MTMR3: variants seen among roughly 807,000 people sequenced by gnomAD.
The protein encoded by MTMR3 is phosphatidylinositol-3,5-bisphosphate 3-phosphatase MTMR3.
In MTMR3, 32 loss-of-function variants were observed where a neutral mutation model predicts 132.4. That is an observed-to-expected ratio of 0.24 (90% confidence interval 0.18 to 0.32). MTMR3 has a LOEUF of 0.32. Ranked by LOEUF, MTMR3 falls within the 10% of genes least tolerant of loss-of-function variation. The probability of loss-of-function intolerance (pLI) is 1.00; values close to 1 mark genes in which losing one functional copy is unlikely to be tolerated. For missense variants in MTMR3, 1,216 were observed against 1,489.6 expected, an observed-to-expected ratio of 0.82 and a Z score of 3.02; for synonymous variants, 556 against 550.3, an observed-to-expected ratio of 1.01 and a Z score of -0.14.
At chr22:29,925,201 T>A (rs943076202) in intron 1 of MTMR3, among the ~76,000 whole-genome samples, 2 of 152,042 alleles carry the variant, frequency 1.3e-5, no homozygotes, top group Non-Finnish European at 2.9e-5. Context: ...CCTGGCTAGT[T>A]TTACTGTTTT....
intron 5 of MTMR3, chr22:29,984,934 A>C (rs2066826648): frequency 6.6e-6 from 1 of 152,248 alleles, no homozygotes; most frequent in Non-Finnish European, 1.5e-5. Flanking sequence ...TGGAGGACAG[A>C]CATGGATCCT....
At chr22:29,918,072 GA>G (rs1304510684) in intron 1 of MTMR3, among the ~76,000 whole-genome samples, 1 of 152,092 alleles carries the variant, frequency 6.6e-6, no homozygotes, top group Non-Finnish European at 1.5e-5. Flanking sequence ...GTTTAATTTA[GA>G]AAAAATTAGT....
At chr22:30,008,919 C>T (rs2067339256) in intron 11 of MTMR3, 99 bp from the exon 12 acceptor site, 1 of 751,124 alleles carries the variant, frequency 1.3e-6, no homozygotes, top group Non-Finnish European at 2.4e-6. Context: ...TAATCAGAAG[C>T]TGCAGTGGGT....
Position 29,889,878 on chromosome 22 carries a change from A to G in MTMR3, c.-138+6519A>G, listed in dbSNP as rs972671727. On this transcript the variant is annotated intron_variant, in intron 1 of 19. Transcript: ENST00000401950. ...ACATTGAATTGCATTGAATTGTTCT[A>G]TTATTTTATTATTTCCTTAGGATAA... Among the ~76,000 whole-genome samples the G allele has an allele frequency of 8.6e-5, 12 of 139,918 alleles. 1 individual carries two copies. The highest frequency in any genetic ancestry group is 7.1e-4 in the Admixed American group (10 of 14,012). The allele number at this position is 139,918 out of a possible 152,430, so 91.8% of individuals were successfully genotyped here. A position where few individuals can be genotyped will look rare whatever the true frequency, so the allele number is the denominator to read the frequency against.
chr22:30,012,449 T>C lies in MTMR3; in HGVS notation c.1203T>C (p.Ala401=). ...AATCAGCGCTTCTGGTAGTGCATGC[T>C]GTGGATCAGGATCAGCGGCCGGTGC... is the stretch of plus-strand genomic sequence containing the variant. ...LLKSALLVVH[A]VDQDQRPVLV... Residue 401 remains alanine, a synonymous_variant, in exon 13 of 20, where the codon GCT becomes GCC. Coordinates refer to ENST00000401950, the MANE Select transcript of MTMR3 (RefSeq NM_021090.4). 1 of 1,614,212 alleles carries C rather than the reference T, an allele frequency of 6.2e-7. No homozygotes were observed. Among genetic ancestry groups the C allele is most frequent in the South Asian group, 1.1e-5 (1 of 91,090 alleles).
Position 30,017,980 on chromosome 22 carries a change from C to T in MTMR3, c.1728C>T (p.Tyr576=), listed in dbSNP as rs1483270857. 1.4e-5 allele frequency: 23 copies of T among 1,613,794 alleles called. No individual in the cohort carries two copies. Among genetic ancestry groups the T allele is most frequent in the Non-Finnish European group, 1.9e-5 (23 of 1,179,896 alleles). Residue 576 remains tyrosine (Y), a synonymous_variant, in exon 16 of 20, where the codon TAC becomes TAT. Coordinates refer to ENST00000401950, the MANE Select transcript of MTMR3 (RefSeq NM_021090.4). The stretch of plus-strand genomic sequence containing the variant: ...ACCTGATGCTGTGGAGTGCAGTGTA[C>T]CTGCCCTGCCCATCCCCAACCACCC... ...VRNLMLWSAV[Y]LPCPSPTTPV...
intron 3 of MTMR3, among the ~76,000 whole-genome samples, chr22:29,975,840 A>C (rs1413246479): frequency 1.2e-4 from 19 of 152,232 alleles, no homozygotes; most frequent in Admixed American, 1.2e-3. Context: ...TCCTGGGCTC[A>C]AGCGATCTGC....
intron 1 of MTMR3, among the ~76,000 whole-genome samples, chr22:29,919,675 A>G (rs1602473818): frequency 6.6e-6 from 1 of 151,760 alleles, no homozygotes; most frequent in Non-Finnish European, 1.5e-5. Context: ...GGCATGTGCC[A>G]CCATGCCTAG....
chr22:29,927,461 C>G (rs576121627), intron 1 of MTMR3, among the ~76,000 whole-genome samples: 1 of 152,248 alleles, frequency 6.6e-6, no homozygotes, highest in Non-Finnish European at 1.5e-5. Context: ...AAAAGGTTAT[C>G]TTTAGATCAG....
chr22:30,000,024 A>T (rs930216592), intron 8 of MTMR3: 1 of 152,076 alleles, frequency 6.6e-6, no homozygotes, highest in African/African-American at 2.4e-5. Context: ...AAAAAAAATT[A>T]ATGTAACCAT....
chr22:29,990,539 A>G (rs1005266259), intron 6 of MTMR3: 2 of 152,222 alleles, frequency 1.3e-5, no homozygotes, highest in African/African-American at 4.8e-5. Flanking sequence ...AGTTTTTAAC[A>G]TTGCATTCAA....
chr22:29,922,329 C>T (rs2065433783), intron 1 of MTMR3, among the ~76,000 whole-genome samples: 1 of 152,134 alleles, frequency 6.6e-6, no homozygotes, highest in African/African-American at 2.4e-5. Context: ...TGTATCATGT[C>T]TTTTAAAGAC....
At chr22:29,932,701 A>G (rs980864391) in intron 1 of MTMR3, among the ~76,000 whole-genome samples, 1 of 152,206 alleles carries the variant, frequency 6.6e-6, no homozygotes, top group African/African-American at 2.4e-5. Context: ...ATGTTCATGT[A>G]CCTACGACCT....
intron 12 of MTMR3, chr22:30,010,924 A>G (rs991358238): frequency 6.6e-6 from 1 of 152,200 alleles, no homozygotes; most frequent in Non-Finnish European, 1.5e-5. Flanking sequence ...GGGACTCCCT[A>G]CTGTATGCTA....
intron 2 of MTMR3, among the ~76,000 whole-genome samples, chr22:29,958,048 A>G (rs1401419464): frequency 6.6e-6 from 1 of 152,144 alleles, no homozygotes; most frequent in Non-Finnish European, 1.5e-5. Flanking sequence ...AGGGATCCAC[A>G]GGGGGTCTTG....
At chr22:29,913,647 G>T (rs143254598) in intron 1 of MTMR3, among the ~76,000 whole-genome samples, 2 of 151,160 alleles carry the variant, frequency 1.3e-5, no homozygotes, top group Non-Finnish European at 2.9e-5. Flanking sequence ...AGCAGTAGTT[G>T]TTCCATTTAA....
chr22:29,906,870 G>A (rs1336267809), intron 1 of MTMR3, among the ~76,000 whole-genome samples: 2 of 151,882 alleles, frequency 1.3e-5, no homozygotes, highest in Non-Finnish European at 2.9e-5. Flanking sequence ...TTGAGGCCAG[G>A]AGTTCGAGAC....
intron 1 of MTMR3, among the ~76,000 whole-genome samples, chr22:29,885,576 G>A (rs112734404): frequency 6.6e-6 from 1 of 152,116 alleles, no homozygotes; most frequent in African/African-American, 2.4e-5. Flanking sequence ...GGAGTAAGTC[G>A]GCTTCTGGCT....
intron 7 of MTMR3, chr22:29,995,877 T>G (rs1269031100): frequency 6.6e-6 from 1 of 152,256 alleles, no homozygotes; most frequent in Non-Finnish European, 1.5e-5. Context: ...TGATGTGGTT[T>G]TCAAATAGGT....
Sources: allele counts gnomAD v4.1 joint callset (sites outside exome capture counted in the v4.1 genomes callset), GRCh38; gene constraint gnomAD v4.1.1; transcripts MANE v1.5; gene names NCBI Gene and HGNC (gene_info 2026-07-23, HGNC 2026-07-21).